Variants in CACTIN observed in about 807,000 individuals in gnomAD.
CACTIN encodes the protein splicing factor Cactin.
Under a neutral mutation model 84.9 loss-of-function variants are expected in CACTIN, and 20 were observed. The observed-to-expected ratio is 0.24, with a 90% CI of 0.17 to 0.34. CACTIN has a LOEUF of 0.34. Ranked by LOEUF, CACTIN falls within the 10% of genes least tolerant of loss-of-function variation. The pLI, the probability that CACTIN is intolerant of heterozygous loss-of-function variation, is 1.00. For synonymous variants in CACTIN, 549 were observed against 467.9 expected, an observed-to-expected ratio of 1.17 and a Z score of -2.24; for missense variants, 897 against 1,117.2, an observed-to-expected ratio of 0.80 and a Z score of 2.81.
chr19:3,618,536 G>A (rs943605056), intron 6 of CACTIN, among the ~76,000 whole-genome samples: 1 of 152,250 alleles, frequency 6.6e-6, no homozygotes, highest in African/African-American at 2.4e-5. Flanking sequence ...CAGGTGGAGC[G>A]AGACTTGCTG....
intron 1 of CACTIN, among the ~76,000 whole-genome samples, chr19:3,626,162 G>A (rs1305582848): frequency 6.6e-6 from 1 of 151,800 alleles, no homozygotes; most frequent in African/African-American, 2.4e-5. Context: ...CTACTCTGAT[G>A]CCGCTCCTGC....
In CACTIN at chr19:3,623,985, T is replaced by A; in HGVS notation, c.345A>T (p.Ala115=). Residue 115 remains alanine (A), a synonymous_variant, in exon 2 of 10, where the codon GCA becomes GCT. Coordinates refer to ENST00000429344, the MANE Select transcript of CACTIN (RefSeq NM_001080543.2). ...RARSWSPSSS[A]SSSASPGRSQ... is the part of the protein sequence containing the mutation. ...ATCGCCCTGGAGACGCGGAGCTGGA[T>A]GCTGAGGAGCTAGGAGACCACGAGC... is the stretch of plus-strand genomic sequence containing the variant. 1 of 1,605,042 alleles carries A rather than the reference T, an allele frequency of 6.2e-7. No individual in the cohort carries two copies. The highest frequency in any genetic ancestry group is 8.5e-7 in the Non-Finnish European group (1 of 1,179,018).
intron 2 of CACTIN, among the ~76,000 whole-genome samples, chr19:3,621,239 G>T (rs989631588): frequency 6.6e-6 from 1 of 152,244 alleles, no homozygotes; most frequent in Non-Finnish European, 1.5e-5. Flanking sequence ...GACAGGGCAG[G>T]AACAGTGAGT....
At position 3,620,051 on chromosome 19, in the gene CACTIN, T is replaced by C. The variant is rs1215403596; in HGVS notation, c.884+76A>G. ...GGGACCCTGAAGGGTGGGAGAGCAG[T>C]GGCTTCCAGAGTGACAGCCAGTGCC... On this transcript the variant is annotated intron_variant, in intron 4 of 9. Transcript: ENST00000429344. The C allele has an allele frequency of 3.2e-6, 5 of 1,548,736 alleles. No individual in the cohort carries two copies. The African/African-American group carries it at 6.8e-5, about 21-fold the overall frequency.
chr19:3,620,889 G>A (rs2033209807), intron 2 of CACTIN, 87 bp from the exon 3 acceptor site: 4 of 1,072,344 alleles, frequency 3.7e-6, no homozygotes, highest in Non-Finnish European at 5.6e-6. Context: ...ATTGACCAGG[G>A]CCCTTGTTTT....
chr19:3,624,023 G>T lies in CACTIN; in HGVS notation c.307C>A (p.Arg103=). Residue 103 remains arginine (R), a synonymous_variant, in exon 2 of 10, where the codon CGA becomes AGA. Transcript: ENST00000429344. Reference sequence around the variant, plus strand: ...GGAGACCACGAGCGTGCGCGCCGTCGCCGGCGAGCCCACTGGCCCCGTGAC... The same window carrying T: ...GGAGACCACGAGCGTGCGCGCCGTCTCCGGCGAGCCCACTGGCCCCGTGAC... The part of the protein sequence containing the change: ...EQSRGQWARR[R]RRARSWSPSS... 6.2e-7 allele frequency: 1 copy of T among 1,605,344 alleles called. No individual in the cohort carries two copies.
intron 6 of CACTIN, among the ~76,000 whole-genome samples, chr19:3,617,594 G>C (rs1202431630): frequency 6.6e-6 from 1 of 151,590 alleles, no homozygotes; most frequent in Non-Finnish European, 1.5e-5. Context: ...AGGAGAGGCC[G>C]GGCCCAGGGC....
At position 3,615,465 on chromosome 19, in the gene CACTIN, G is replaced by T. The variant is rs1182656801; in HGVS notation, c.1163-876C>A. 6.5e-6 allele frequency: 1 copy of T among 153,386 alleles called. No homozygotes were observed. The highest frequency in any genetic ancestry group is 1.5e-5 in the Non-Finnish European group (1 of 68,828). 9.5% of individuals were successfully genotyped at this position (153,386 alleles called of 1,614,324 possible). A position where few individuals can be genotyped will look rare whatever the true frequency, so the allele number is the denominator to read the frequency against. On this transcript the variant is annotated intron_variant, in intron 6 of 9. Coordinates refer to ENST00000429344, the MANE Select transcript of CACTIN (RefSeq NM_001080543.2). This position sits in a 1 kb window ranked among gnomAD's most constrained non-coding sequence, Gnocchi z 5.2. Reference sequence around the variant, plus strand: ...CCCTGCCACCTCTGGGCCTTTGCACGCACTGTGCTTCCTGCCAGCTACCCA... The same window carrying T: ...CCCTGCCACCTCTGGGCCTTTGCACTCACTGTGCTTCCTGCCAGCTACCCA...
In CACTIN at chr19:3,611,806, G is replaced by T; in HGVS notation, c.*117C>A. Reference sequence around the variant, plus strand: ...TGGCGAAAGAAAGATGCGGCCTGAGGTGGGACGTGAACCCGCGGCCCTGCA... The same window carrying T: ...TGGCGAAAGAAAGATGCGGCCTGAGTTGGGACGTGAACCCGCGGCCCTGCA... On this transcript the variant is annotated 3_prime_UTR_variant, in exon 10 of 10. Coordinates refer to ENST00000429344, the MANE Select transcript of CACTIN (RefSeq NM_001080543.2). The T allele has an allele frequency of 1.6e-6, 2 of 1,276,658 alleles. No individual in the cohort carries two copies. The highest frequency in any genetic ancestry group is 2.2e-6 in the Non-Finnish European group (2 of 908,662). The allele number at this position is 1,276,658 out of a possible 1,614,324, so 79.1% of individuals were successfully genotyped here.
chr19:3,612,752 T>C (rs1241133664), intron 9 of CACTIN: 1 of 696,180 alleles, frequency 1.4e-6, no homozygotes, highest in Non-Finnish European at 2.6e-6. Context: ...GCCCAGGGGT[T>C]TTCTGAAGCC....
At chr19:3,617,035 C>T (rs2033119278) in intron 6 of CACTIN, among the ~76,000 whole-genome samples, 1 of 152,114 alleles carries the variant, frequency 6.6e-6, no homozygotes, top group Non-Finnish European at 1.5e-5. Flanking sequence ...GCAGGAGAAT[C>T]GCTTGAATCT....
At position 3,620,116 on chromosome 19, in the gene CACTIN, C is replaced by T. The variant is rs756197090; in HGVS notation, c.884+11G>A. 3.6e-5 allele frequency: 58 copies of T among 1,608,836 alleles called. 1 individual carries two copies. In the Admixed American group the frequency reaches 4.8e-4, roughly 13 times the overall value. The stretch of plus-strand genomic sequence containing the variant: ...AGTCTGGGTCGGAGGGAGGGGGAGG[C>T]CCCAGCGCACCGCAGCTTGGCCTGC... On this transcript the variant is annotated intron_variant, in intron 4 of 9. Coordinates refer to ENST00000429344, the MANE Select transcript of CACTIN (RefSeq NM_001080543.2).
At chr19:3,621,923 C>A (rs911168618) in intron 2 of CACTIN, among the ~76,000 whole-genome samples, 2 of 152,214 alleles carry the variant, frequency 1.3e-5, no homozygotes, top group Non-Finnish European at 2.9e-5. Context: ...CAGCTCCCAA[C>A]TGCGCAACCG....
rs747773410 is a variant in CACTIN, at chr19:3,620,280, C to A, written c.739-8G>T. 2.0e-5 allele frequency: 31 copies of A among 1,558,382 alleles called. No homozygotes were observed. Among genetic ancestry groups the A allele is most frequent in the Non-Finnish European group, 2.6e-5 (30 of 1,157,742 alleles). ...CAGCCGCAGCTGCTTCACCTGCAGGCACAGGAGGCTGAGGGCAGCGGGGAC... is the reference window on the plus strand; with the variant it reads ...CAGCCGCAGCTGCTTCACCTGCAGGAACAGGAGGCTGAGGGCAGCGGGGAC... On this transcript the variant is annotated splice_region_variant and splice_polypyrimidine_tract_variant and intron_variant, in intron 3 of 9. Coordinates refer to ENST00000429344, the MANE Select transcript of CACTIN (RefSeq NM_001080543.2).
At position 3,613,308 on chromosome 19, in the gene CACTIN, G is replaced by A. The variant is rs1037698092; in HGVS notation, c.1536C>T (p.Pro512=). The change falls in exon 9 of 10, where the codon CCC becomes CCT. Residue 512 remains proline, a synonymous_variant. Coordinates refer to ENST00000429344, the MANE Select transcript of CACTIN (RefSeq NM_001080543.2). ...TPPGPSSEGG[P]AEAEVDGATP... ...TCGCGCCGTCCACCTCGGCCTCCGCGGGGCCGCCCTCCGAGGAGGGCCCGG... is the reference window on the plus strand; with the variant it reads ...TCGCGCCGTCCACCTCGGCCTCCGCAGGGCCGCCCTCCGAGGAGGGCCCGG... 5.7e-6 allele frequency: 9 copies of A among 1,584,398 alleles called. No individual in the cohort carries two copies. In the African/African-American group the frequency reaches 9.5e-5, roughly 17 times the overall value.
chr19:3,621,152 C>T lies in CACTIN; in HGVS notation c.643-350G>A, dbSNP rs768262587. On this transcript the variant is annotated intron_variant, in intron 2 of 9. Transcript: ENST00000429344. ...GAGCCTTGCTCGGGGCCTGCTGACT[C>T]GCTTTACCCGGGAGTCTGAGTGCTT... 4.4e-5 allele frequency: 18 copies of T among 408,626 alleles called. No individual in the cohort carries two copies. The East Asian group carries it at 7.9e-4, about 18-fold the overall frequency. The allele number at this position is 408,626 out of a possible 1,614,324, so 25.3% of individuals were successfully genotyped here. A position where few individuals can be genotyped will look rare whatever the true frequency, so the allele number is the denominator to read the frequency against.
rs1386629036 is a variant in CACTIN, at chr19:3,623,850, G to A, written c.480C>T (p.Phe160=). The change falls in exon 2 of 10, where the codon TTC becomes TTT. Residue 160 remains phenylalanine (F), a synonymous_variant. Coordinates refer to ENST00000429344, the MANE Select transcript of CACTIN (RefSeq NM_001080543.2). The stretch of plus-strand genomic sequence containing the variant: ...GTGCGCGCTTCTCCTCGGGCGTCTC[G>A]AAGGCCTTCATCAGCTCCTCCTGCT... The part of the protein sequence containing the change: ...RKQQEELMKA[F]ETPEEKRARR... 3.1e-6 allele frequency: 5 copies of A among 1,611,282 alleles called. No homozygotes were observed. Among genetic ancestry groups the A allele is most frequent in the African/African-American group, 2.7e-5 (2 of 74,932 alleles).
Position 3,614,597 on chromosome 19 carries a change from G to A in CACTIN, c.1163-8C>T, listed in dbSNP as rs779397585. The stretch of plus-strand genomic sequence containing the variant: ...CCCCCTCGCGGCGCTCACCTGCAGC[G>A]GGGTGGGGGCATGGGGGGGCGGTTC... On this transcript the variant is annotated splice_polypyrimidine_tract_variant and splice_region_variant and intron_variant, in intron 6 of 9. Coordinates refer to ENST00000429344, the MANE Select transcript of CACTIN (RefSeq NM_001080543.2). 1.2e-5 allele frequency: 19 copies of A among 1,592,464 alleles called. No homozygotes were observed. Among genetic ancestry groups the A allele is most frequent in the Middle Eastern group, 1.7e-4 (1 of 6,046 alleles).
intron 6 of CACTIN, among the ~76,000 whole-genome samples, chr19:3,617,110 A>G (rs2033120590): frequency 9.1e-6 from 1 of 109,446 alleles, no homozygotes; most frequent in African/African-American, 3.7e-5. Flanking sequence ...ACAGAGTGAG[A>G]CTCCTTCTCA....
Sources: gnomAD v4.1 joint callset for allele counts (sites outside exome capture counted in the v4.1 genomes callset) on GRCh38, gnomAD v4.1.1 for gene constraint, Gnocchi (gnomAD v3.1) non-coding constraint, MANE v1.5 for transcripts, NCBI Gene and HGNC (gene_info 2026-07-23, HGNC 2026-07-21) for gene names.